The following SERPINE3 variants were observed in gnomAD, a reference collection of about 807,000 sequenced individuals.
The protein encoded by SERPINE3 is serpin E3.
In SERPINE3, 43 loss-of-function variants were observed where a neutral mutation model predicts 41.7. The ratio of observed to expected loss-of-function variants is 1.03; its 90% CI spans 0.81 to 1.33. The LOEUF (loss-of-function observed/expected upper bound fraction) is 1.33, where lower values mean the gene tolerates loss of function less well. Ranked by LOEUF, SERPINE3 falls within the 40% of genes most tolerant of loss-of-function variation. The pLI, the probability that SERPINE3 is intolerant of heterozygous loss-of-function variation, is 0.00. For missense variants in SERPINE3, 440 were observed against 491.7 expected (o/e 0.89, Z 0.99); for synonymous variants, 200 against 192.2 (o/e 1.04, Z -0.34).
intron 7 of SERPINE3, among the ~76,000 whole-genome samples, chr13:51,358,631 A>T (rs1175370258): frequency 2.6e-5 from 4 of 152,130 alleles, no homozygotes; most frequent in Non-Finnish European, 1.5e-5. Context: ...TACTAAACAC[A>T]TTAATGTACC....
chr13:51,356,360 G>A (rs1299545957), intron 7 of SERPINE3, among the ~76,000 whole-genome samples: 10 of 151,956 alleles, frequency 6.6e-5, no homozygotes, highest in Non-Finnish European at 2.9e-5. Flanking sequence ...AAGATTGGAG[G>A]GCAAGGAAAG....
chr13:51,359,638 T>C (rs764588375), intron 7 of SERPINE3, among the ~76,000 whole-genome samples: 2 of 152,140 alleles, frequency 1.3e-5, no homozygotes, highest in African/African-American at 4.8e-5. Flanking sequence ...ACACATTTAC[T>C]GTATTTTAGC....
At chr13:51,346,906 A>C (rs989738432) in intron 4 of SERPINE3, 119 bp from the exon 5 acceptor site, 4 of 686,110 alleles carry the variant, frequency 5.8e-6, no homozygotes, top group Non-Finnish European at 1.0e-5. Context: ...AGACCACCTT[A>C]AGCAAAAAGA....
At chr13:51,361,658 A>G (rs944140550) in intron 8 of SERPINE3, 152 bp from the exon 9 acceptor site, 1 of 666,326 alleles carries the variant, frequency 1.5e-6, no homozygotes, top group African/African-American at 1.8e-5. Context: ...TTTCTCTTTA[A>G]TTTTCCCATC....
intron 7 of SERPINE3, among the ~76,000 whole-genome samples, chr13:51,357,621 A>C (rs1955499889): frequency 6.6e-6 from 1 of 151,632 alleles, no homozygotes; most frequent in Non-Finnish European, 1.5e-5. Context: ...TGCCTTAAGG[A>C]CTCATTCAAT....
intron 7 of SERPINE3, among the ~76,000 whole-genome samples, chr13:51,359,885 TAGAGAA>T (rs1005191481): frequency 1.3e-5 from 2 of 152,048 alleles, no homozygotes; most frequent in Non-Finnish European, 2.9e-5. Flanking sequence ...TTAAAGACCC[TAGAGAA>T]AAAGACCAAC....
chr13:51,352,573 T>C (rs984262820), intron 6 of SERPINE3, among the ~76,000 whole-genome samples: 2 of 152,044 alleles, frequency 1.3e-5, no homozygotes, highest in African/African-American at 2.4e-5. Context: ...CCTGGATGCC[T>C]TCTATTTCTT....
chr13:51,348,151 G>A (rs17194955), intron 5 of SERPINE3, 62 bp from the exon 6 acceptor site: 35,093 of 1,324,568 alleles, frequency 0.026, 579 homozygotes, highest in South Asian at 0.05. Context: ...CTCAGGGTCC[G>A]ACACTGGTTC....
intron 9 of SERPINE3, chr13:51,362,296 T>G: frequency 3.8e-6 from 1 of 261,744 alleles, no homozygotes; most frequent in South Asian, 6.7e-5. Flanking sequence ...AGAGTAGTCC[T>G]CTTGTGATCC....
chr13:51,345,886 G>A (rs903071673), intron 4 of SERPINE3, among the ~76,000 whole-genome samples: 1 of 152,200 alleles, frequency 6.6e-6, no homozygotes, highest in African/African-American at 2.4e-5. Flanking sequence ...CAGTTGCTCA[G>A]AGCACAGAGT....
At position 51,344,392 on chromosome 13, in the gene SERPINE3, T is replaced by C. The variant is rs1955325218; in HGVS notation, c.397T>C (p.Trp133Arg). 2 of 1,612,516 alleles carry C rather than the reference T, an allele frequency of 1.2e-6. No individual in the cohort carries two copies. The highest frequency in any genetic ancestry group is 4.5e-5 in the East Asian group (2 of 44,822). ...LSPCFVEHVS[W>R]WANSSLEPAD... ...CCCCTGCTTTGTGGAGCACGTCTCC[T>C]GGTGGGCTAACAGCAGCCTGGAACC... The change falls in exon 4 of 10, where the codon TGG (tryptophan) becomes CGG (arginine). Residue 133 changes from tryptophan to arginine, a missense_variant. Physicochemically the swap from Trp to Arg is moderately radical, Grantham distance 101. Transcript: ENST00000681248.
At chr13:51,356,634 T>TGCCATC (rs1425830425) in intron 7 of SERPINE3, among the ~76,000 whole-genome samples, 1 of 152,192 alleles carries the variant, frequency 6.6e-6, no homozygotes, top group Admixed American at 6.5e-5. Flanking sequence ...CATCCTAATG[T>TGCCATC]GCCATCAACC....
At chr13:51,346,469 T>A (rs1198187491) in intron 4 of SERPINE3, among the ~76,000 whole-genome samples, 1 of 152,124 alleles carries the variant, frequency 6.6e-6, no homozygotes, top group African/African-American at 2.4e-5. Context: ...CAGAAAAGAA[T>A]AAAAAGCAGG....
At chr13:51,360,738 A>G (rs1194433642) in intron 7 of SERPINE3, among the ~76,000 whole-genome samples, 2 of 152,068 alleles carry the variant, frequency 1.3e-5, no homozygotes, top group Non-Finnish European at 2.9e-5. Flanking sequence ...ACACATTCAT[A>G]TTACTCTGAA....
chr13:51,361,985 G>T (rs561201135), intron 9 of SERPINE3, 92 bp downstream of exon 9: 1 of 1,610,546 alleles, frequency 6.2e-7, no homozygotes, highest in Non-Finnish European at 8.5e-7. Context: ...TCAAAAATAA[G>T]CATTCTTTCT....
Position 51,361,336 on chromosome 13 carries a change from G to C in SERPINE3, c.1059G>C (p.Glu353Asp). Residue 353 changes from glutamate to aspartate, a missense_variant, in exon 8 of 10, where the codon GAG becomes GAC. By Grantham distance (45) the Glu-to-Asp change is conservative (BLOSUM62 2). Coordinates refer to ENST00000681248, the MANE Select transcript of SERPINE3 (RefSeq NM_001386375.1). The stretch of plus-strand genomic sequence containing the variant: ...ACAAGGCCAAGATTGAAGTTTTGGA[G>C]GAAGGCACCAAGGCATCTGGAGCCA... ...AIHKAKIEVL[E>D]EGTKASGATA... 6.2e-7 allele frequency: 1 copy of C among 1,609,952 alleles called. No individual in the cohort carries two copies. Among genetic ancestry groups the C allele is most frequent in the Non-Finnish European group, 8.5e-7 (1 of 1,177,420 alleles).
Position 51,344,425 on chromosome 13 carries a change from C to T in SERPINE3, c.430C>T (p.Leu144Phe). The change falls in exon 4 of 10, where the codon CTC (leucine) becomes TTC (phenylalanine). Residue 144 changes from leucine (L) to phenylalanine (F), a missense_variant. Physicochemically the swap from Leu to Phe is conservative, Grantham distance 22 (BLOSUM62 0). Transcript: ENST00000681248. ...TAACAGCAGCCTGGAACCAGCCGAC[C>T]TCAGTGAGCCCAATAGCACCGCCAT... is the stretch of plus-strand genomic sequence containing the variant. ...WANSSLEPAD[L>F]SEPNSTAIQT... 6.2e-7 allele frequency: 1 copy of T among 1,608,818 alleles called. No individual in the cohort carries two copies. Among genetic ancestry groups the T allele is most frequent in the Non-Finnish European group, 8.5e-7 (1 of 1,177,440 alleles).
intron 6 of SERPINE3, among the ~76,000 whole-genome samples, chr13:51,354,592 A>T (rs1230641699): frequency 9.8e-6 from 1 of 101,938 alleles, no homozygotes; most frequent in Non-Finnish European, 2.2e-5. Context: ...CCCATCTCAG[A>T]AAAAAAAAAA....
chr13:51,354,996 T>C (rs762196805), intron 6 of SERPINE3, 47 bp from the exon 7 acceptor site: 18 of 940,316 alleles, frequency 1.9e-5, no homozygotes, highest in East Asian at 7.8e-5. Context: ...TATGAAAGTA[T>C]ATTGAGTGAG....
Sources: allele counts gnomAD v4.1 joint callset (sites outside exome capture counted in the v4.1 genomes callset), GRCh38; gene constraint gnomAD v4.1.1; transcripts MANE v1.5; gene names NCBI Gene and HGNC (gene_info 2026-07-23, HGNC 2026-07-21).